Variants in CDYL2 observed in about 807,000 individuals in gnomAD.
CDYL2 encodes the protein chromodomain Y-like protein 2.
In CDYL2, 23 loss-of-function variants were observed where a neutral mutation model predicts 49.4. The observed-to-expected ratio is 0.47, with a 90% confidence interval of 0.34 to 0.66. CDYL2 has a LOEUF of 0.66. CDYL2 is among the 30% of genes least tolerant of loss of function. The probability of loss-of-function intolerance (pLI) is 0.01; values close to 1 mark genes in which losing one functional copy is unlikely to be tolerated. For synonymous variants in CDYL2, 360 were observed against 268.8 expected (o/e 1.34, Z -3.32); for missense variants, 678 against 656.4 (o/e 1.03, Z -0.36).
rs1380115683 is a variant in CDYL2 at position 80,600,391 on chromosome 16, A to G, written c.*3997T>C. 1.3e-5 allele frequency: 2 copies of G among 152,210 alleles called. No homozygotes were observed. Among genetic ancestry groups the G allele is most frequent in the Non-Finnish European group, 2.9e-5 (2 of 68,032 alleles). 9.4% of individuals were successfully genotyped at this position (152,210 alleles called of 1,614,324 possible). ...AATATATACTGTATTAAAGTCTGTA[A>G]GCATTTCAACCAAAATTTGCAGAAA... On this transcript the variant is annotated 3_prime_UTR_variant, in exon 7 of 7. Transcript: ENST00000570137.
intron 1 of CDYL2, among the ~76,000 whole-genome samples, chr16:80,728,425 C>T (rs1905232043): frequency 6.6e-6 from 1 of 152,158 alleles, no homozygotes; most frequent in Admixed American, 6.6e-5. Context: ...CGAACAAAGC[C>T]TCCAAGAAAT....
At position 80,612,854 on chromosome 16, in the gene CDYL2, T is replaced by C; in HGVS notation, c.1008-18A>G. On this transcript the variant is annotated intron_variant, in intron 4 of 6. Coordinates refer to ENST00000570137, the MANE Select transcript of CDYL2 (RefSeq NM_152342.4). This position sits in a 1 kb window ranked among gnomAD's most constrained non-coding sequence, Gnocchi z 5.0. The stretch of plus-strand genomic sequence containing the variant: ...CAAAGTCCCTGGGAGAGAAAGAAGA[T>C]CCTCTTGAACAGGTGACTATAGCAT... The C allele has an allele frequency of 1.3e-6, 2 of 1,593,276 alleles. No individual in the cohort carries two copies. Among genetic ancestry groups the C allele is most frequent in the Middle Eastern group, 1.7e-4 (1 of 5,796 alleles).
intron 1 of CDYL2, among the ~76,000 whole-genome samples, chr16:80,727,431 T>C (rs1418662056): frequency 6.6e-6 from 1 of 152,228 alleles, no homozygotes; most frequent in Non-Finnish European, 1.5e-5. Context: ...ATCCCGCACA[T>C]GGCTCGGAAG....
chr16:80,801,371 T>C (rs73583954), intron 1 of CDYL2, among the ~76,000 whole-genome samples: 268 of 152,372 alleles, frequency 1.8e-3, no homozygotes, highest in African/African-American at 6.1e-3. Flanking sequence ...GTTTTCGTTT[T>C]CTGGTGTCTT....
chr16:80,773,766 C>A (rs1443155626), intron 1 of CDYL2, among the ~76,000 whole-genome samples: 2 of 152,160 alleles, frequency 1.3e-5, no homozygotes, highest in East Asian at 3.9e-4. Context: ...GTATGACATA[C>A]TTAAAGGCAT....
chr16:80,690,236 G>C lies in CDYL2; in HGVS notation c.25-5107C>G, dbSNP rs737177. Reference sequence around the variant, plus strand: ...AGCGGGAATGGATTTACTTCAAACAGAACAGTCACAAAGGCTCCTCCAAGA... The same window carrying C: ...AGCGGGAATGGATTTACTTCAAACACAACAGTCACAAAGGCTCCTCCAAGA... On this transcript the variant is annotated intron_variant, in intron 1 of 6. Transcript: ENST00000570137. Among the ~76,000 whole-genome samples the C allele has an allele frequency of 9.6e-3, 1,462 of 152,236 alleles. 23 individuals are homozygous for C. The highest frequency in any genetic ancestry group is 0.034 in the African/African-American group (1,417 of 41,532).
intron 2 of CDYL2, among the ~76,000 whole-genome samples, chr16:80,660,842 T>C (rs1221405675): frequency 6.6e-6 from 1 of 152,082 alleles, no homozygotes; most frequent in East Asian, 1.9e-4. Context: ...TGGTGCACAG[T>C]GGTCTACATG....
At chr16:80,715,864 A>C (rs1431086414) in intron 1 of CDYL2, among the ~76,000 whole-genome samples, 1 of 152,164 alleles carries the variant, frequency 6.6e-6, no homozygotes, top group Non-Finnish European at 1.5e-5. Context: ...TGCCCTGGAA[A>C]GTCCTTTCAT....
chr16:80,794,491 C>A (rs1248113254), intron 1 of CDYL2, among the ~76,000 whole-genome samples: 2 of 151,326 alleles, frequency 1.3e-5, no homozygotes, highest in Non-Finnish European at 2.9e-5. Flanking sequence ...AAAAAAGGAA[C>A]TGACATGGCT....
chr16:80,768,472 G>T (rs2142391619), intron 1 of CDYL2, among the ~76,000 whole-genome samples: 1 of 152,318 alleles, frequency 6.6e-6, no homozygotes, highest in Admixed American at 6.5e-5. Flanking sequence ...CTAGAGGCTG[G>T]GAAGTCCAAG....
Position 80,629,063 on chromosome 16 carries a change from A to AC in CDYL2, c.834+3955dup, listed in dbSNP as rs1402519931. Among the ~76,000 whole-genome samples the AC allele has an allele frequency of 4.6e-5, 7 of 152,262 alleles. No individual in the cohort carries two copies. The East Asian group carries it at 1.4e-3, about 29-fold the overall frequency. On this transcript the variant is annotated intron_variant, in intron 3 of 6. Coordinates refer to ENST00000570137, the MANE Select transcript of CDYL2 (RefSeq NM_152342.4). ...AACCAGGTGACTGAGGTACAGGAGGACAGGTATGTGAGGTGGGCTGCACGA... is the reference window on the plus strand; with the variant it reads ...AACCAGGTGACTGAGGTACAGGAGGACCAGGTATGTGAGGTGGGCTGCACGA...
chr16:80,606,159 G>C (rs932072639), intron 6 of CDYL2, among the ~76,000 whole-genome samples: 4 of 152,242 alleles, frequency 2.6e-5, no homozygotes, highest in African/African-American at 7.2e-5. Context: ...GCCTGGGCTA[G>C]AGGCTGCAGG....
rs184285689 is a variant in CDYL2 at position 80,753,513 on chromosome 16, C to A, written c.24+50637G>T. 1.5e-3 allele frequency among the ~76,000 whole-genome samples: 235 copies of A among 152,194 alleles called. 2 individuals are homozygous for A. Among genetic ancestry groups the A allele is most frequent in the Non-Finnish European group, 2.2e-4 (15 of 68,010 alleles). ...ATCCCAGCTACTCAGGAGGCTGAGG[C>A]AGGAGAATCACTTGAACTGGGGAGG... On this transcript the variant is annotated intron_variant, in intron 1 of 6. Transcript: ENST00000570137.
intron 1 of CDYL2, among the ~76,000 whole-genome samples, chr16:80,730,895 A>C (rs1905304821): frequency 6.6e-6 from 1 of 152,266 alleles, no homozygotes; most frequent in Non-Finnish European, 1.5e-5. Flanking sequence ...AAATTGTGAA[A>C]ATGTAAACTA....
At chr16:80,660,981 G>A (rs1338324661) in intron 2 of CDYL2, among the ~76,000 whole-genome samples, 2 of 152,212 alleles carry the variant, frequency 1.3e-5, no homozygotes, top group Non-Finnish European at 2.9e-5. Flanking sequence ...AGGGCAGGAA[G>A]TGGAGGGCTG....
intron 1 of CDYL2, among the ~76,000 whole-genome samples, chr16:80,723,608 G>C (rs896299158): frequency 1.3e-5 from 2 of 152,112 alleles, no homozygotes; most frequent in African/African-American, 4.8e-5. Context: ...TGTTCCTTAG[G>C]ATAAAGTCAG....
chr16:80,759,438 T>C (rs937513571), intron 1 of CDYL2, among the ~76,000 whole-genome samples: 3 of 152,072 alleles, frequency 2.0e-5, no homozygotes, highest in African/African-American at 7.2e-5. Context: ...TGAACTCAAA[T>C]GTGTATTGTC....
intron 1 of CDYL2, among the ~76,000 whole-genome samples, chr16:80,782,863 A>G (rs944503637): frequency 6.6e-6 from 1 of 152,172 alleles, no homozygotes; most frequent in Admixed American, 6.5e-5. Flanking sequence ...ACATCATAAA[A>G]GATAATTAAG....
At chr16:80,686,209 T>A (rs984416577) in intron 1 of CDYL2, among the ~76,000 whole-genome samples, 5 of 152,140 alleles carry the variant, frequency 3.3e-5, no homozygotes, top group Non-Finnish European at 1.5e-5. Flanking sequence ...CTTTATGTAA[T>A]CCCGTGGAAA....
Sources: allele counts gnomAD v4.1 joint callset (sites outside exome capture counted in the v4.1 genomes callset), GRCh38; gene constraint gnomAD v4.1.1; non-coding constraint Gnocchi (gnomAD v3.1); transcripts MANE v1.5; gene names NCBI Gene and HGNC (gene_info 2026-07-23, HGNC 2026-07-21).